The following DNAH17 variants were observed in gnomAD, a reference collection of about 807,000 sequenced individuals.
The protein encoded by DNAH17 is axonemal beta dynein heavy chain 17.
A neutral mutation model predicts 485.6 loss-of-function variants in DNAH17; 376 were observed. The ratio of observed to expected loss-of-function variants is 0.77; its 90% confidence interval spans 0.71 to 0.84. The LOEUF is 0.84. DNAH17 is among the 40% of genes least tolerant of loss of function. The probability of loss-of-function intolerance (pLI) is 0.00; values close to 1 mark genes in which losing one functional copy is unlikely to be tolerated. For missense variants in DNAH17, 6,370 were observed against 5,839.3 expected (o/e 1.09, Z -2.96); for synonymous variants, 3,031 against 2,405.9 (o/e 1.26, Z -7.60).
At chr17:78,557,663 A>AAAAAAAAAAAAAAAAAAAAAAAAT (rs2092056227) in intron 14 of DNAH17, among the ~76,000 whole-genome samples, 1 of 145,814 alleles carries the variant, frequency 6.9e-6, no homozygotes. Flanking sequence ...AAAAAAAAAA[A>AAAAAAAAAAAAAAAAAAAAAAAAT]GTAACGTAAG....
rs2087701153 is a variant in DNAH17 at position 78,454,480 on chromosome 17, C to T, written c.10396G>A (p.Gly3466Arg). 2 of 1,612,254 alleles carry T rather than the reference C, an allele frequency of 1.2e-6. No individual in the cohort carries two copies. Among genetic ancestry groups the T allele is most frequent in the African/African-American group, 2.7e-5 (2 of 74,944 alleles). Residue 3466 changes from glycine (G) to arginine (R), a missense_variant, in exon 64 of 81, where the codon GGA becomes AGA. Gly to Arg is a moderately radical substitution (Grantham distance 125). Transcript: ENST00000389840. ...TGCGCCCGCACACACCTCTTCTGTC[C>T]CAGGCGGATGGCTTTCAGTTCACTC... ...YRSELKAIRL[G>R]QKSYLDVIEQ...
chr17:78,427,218 G>T, intron 77 of DNAH17, 110 bp from the exon 78 acceptor site: 1 of 1,142,792 alleles, frequency 8.8e-7, no homozygotes, highest in Non-Finnish European at 1.3e-6. Context: ...CTGGAGAGGA[G>T]GGAAGAGGCA....
intron 25 of DNAH17, 125 bp from the exon 26 acceptor site, chr17:78,515,147 A>G: frequency 9.1e-7 from 1 of 1,096,098 alleles, no homozygotes; most frequent in Non-Finnish European, 1.3e-6. Context: ...TAGAACTAAT[A>G]CCCGAGATCA....
In DNAH17 at chr17:78,560,848, G is replaced by A. The variant is rs535149595; in HGVS notation, c.1923C>T (p.Tyr641=). The change falls in exon 13 of 81, where the codon TAC becomes TAT. Residue 641 remains tyrosine (Y), a synonymous_variant. Transcript: ENST00000389840. ...GGTCCACGCCCGCCACCCACTGCTG[G>A]TAGATCTTCTCGCGGTGGCACCTCA... ...ELLRCHREKI[Y]QQWVAGVDQD... 2 of 1,551,846 alleles carry A rather than the reference G, an allele frequency of 1.3e-6. No individual in the cohort carries two copies. The highest frequency in any genetic ancestry group is 2.4e-5 in the South Asian group (2 of 84,074).
Position 78,433,939 on chromosome 17 carries a change from A to G in DNAH17, c.12225+90T>C, listed in dbSNP as rs1345792927. Reference sequence around the variant, plus strand: ...AGGGAGGGAAGGAAGGAGGGAGGGAAGGAGGGAGGGAAGGAGGGAGGGAAG... The same window carrying G: ...AGGGAGGGAAGGAAGGAGGGAGGGAGGGAGGGAGGGAAGGAGGGAGGGAAG... On this transcript the variant is annotated intron_variant, in intron 75 of 80. Transcript: ENST00000389840. The G allele has an allele frequency of 1.4e-5, 13 of 913,814 alleles. No individual in the cohort carries two copies. The South Asian group carries it at 1.7e-4, about 12-fold the overall frequency. 56.6% of individuals were successfully genotyped at this position (913,814 alleles called of 1,614,324 possible).
At chr17:78,511,648 C>A (rs2090638937) in intron 26 of DNAH17, among the ~76,000 whole-genome samples, 2 of 152,220 alleles carry the variant, frequency 1.3e-5, no homozygotes, top group African/African-American at 4.8e-5. Flanking sequence ...GTCTAATATT[C>A]TTTTTGGTGT....
intron 37 of DNAH17, 70 bp from the exon 38 acceptor site, chr17:78,496,102 CAT>C (rs2090061191): frequency 1.3e-6 from 2 of 1,513,772 alleles, no homozygotes; most frequent in African/African-American, 1.4e-5. Flanking sequence ...GAGGCCTTCA[CAT>C]ATGTTAAAGC....
chr17:78,490,701 G>A lies in DNAH17; in HGVS notation c.6816C>T (p.Asn2272=). 6.2e-7 allele frequency: 1 copy of A among 1,606,656 alleles called. No individual in the cohort carries two copies. The highest frequency in any genetic ancestry group is 8.5e-7 in the Non-Finnish European group (1 of 1,176,080). Residue 2272 remains asparagine (N), a splice_region_variant and synonymous_variant, in exon 44 of 81, where the codon AAC becomes AAT. Transcript: ENST00000389840. ...AGGAAAGCCAAAGCCCCACTCACGGGTTCCATCCCAGGTCGGCTGGGTTGA... is the reference window on the plus strand; with the variant it reads ...AGGAAAGCCAAAGCCCCACTCACGGATTCCATCCCAGGTCGGCTGGGTTGA... ...LYINPADLGW[N]PVVSSWIERR...
rs576477347 is a variant in DNAH17, at chr17:78,560,697, C to A, written c.2031+43G>T. The A allele has an allele frequency of 1.1e-5, 16 of 1,505,298 alleles. No homozygotes were observed. In the African/African-American group the frequency reaches 2.2e-4, roughly 21 times the overall value. 93.2% of individuals were successfully genotyped at this position (1,505,298 alleles called of 1,614,324 possible). On this transcript the variant is annotated intron_variant, in intron 13 of 80. Transcript: ENST00000389840. ...GGAACCTTGGCAGGCCCTCCCCCCG[C>A]TCCCAAGGAGCCTTTGACGCGGTCC...
At chr17:78,530,129 G>A (rs185152338) in intron 21 of DNAH17, among the ~76,000 whole-genome samples, 6 of 152,342 alleles carry the variant, frequency 3.9e-5, no homozygotes, top group South Asian at 4.1e-4. Flanking sequence ...GCAGGTGCTC[G>A]GTACACCGGG....
At chr17:78,496,132 C>G in intron 37 of DNAH17, 100 bp from the exon 38 acceptor site, 2 of 1,340,734 alleles carry the variant, frequency 1.5e-6, no homozygotes, top group Non-Finnish European at 2.0e-6. Context: ...TGCGAATTTG[C>G]GCCTGCAAAT....
In DNAH17 at chr17:78,484,910, G is replaced by A. The variant is rs373479658; in HGVS notation, c.7607C>T (p.Ala2536Val). Reference protein sequence around the residue: ...MPEVDKYGTVAPHTLIRQHMD... With the variant: ...MPEVDKYGTVVPHTLIRQHMD... ...GTGCTGCCGGATGAGGGTGTGCGGG[G>A]CCACCGTCCCATACTTGTCCACCTC... Residue 2536 changes from alanine to valine, a missense_variant, in exon 48 of 81, where the codon GCC (alanine) becomes GTC (valine). Ala to Val is a moderately conservative substitution (Grantham distance 64). Transcript: ENST00000389840. The A allele has an allele frequency of 6.3e-6, 10 of 1,594,368 alleles. No individual in the cohort carries two copies. The highest frequency in any genetic ancestry group is 1.3e-5 in the African/African-American group (1 of 74,494).
intron 17 of DNAH17, among the ~76,000 whole-genome samples, chr17:78,541,334 G>A (rs1185889637): frequency 2.2e-5 from 3 of 139,124 alleles, no homozygotes; most frequent in Non-Finnish European, 4.6e-5. Flanking sequence ...TGGGTAGGGT[G>A]GGTGGATGAG....
chr17:78,486,588 A>T, intron 44 of DNAH17, 82 bp from the exon 45 acceptor site: 2 of 1,462,478 alleles, frequency 1.4e-6, no homozygotes, highest in Non-Finnish European at 1.8e-6. Flanking sequence ...GCCCCTCCCT[A>T]CCTCCACCCA....
At chr17:78,513,743 A>G (rs190829910) in intron 26 of DNAH17, among the ~76,000 whole-genome samples, 10 of 152,168 alleles carry the variant, frequency 6.6e-5, no homozygotes, top group Admixed American at 3.3e-4. Context: ...GCTTTCCTCT[A>G]TTTAATCTGT....
chr17:78,442,707 T>C (rs2087121034), intron 71 of DNAH17, among the ~76,000 whole-genome samples: 1 of 152,222 alleles, frequency 6.6e-6, no homozygotes, highest in South Asian at 2.1e-4. Context: ...GGTGACAGCT[T>C]TCAGCAGACC....
chr17:78,528,083 A>C lies in DNAH17; in HGVS notation c.3508-1087T>G, dbSNP rs570822097. Among the ~76,000 whole-genome samples, 460 of 152,068 alleles carry C rather than the reference A, an allele frequency of 3.0e-3. 2 individuals carry two copies. Among genetic ancestry groups the C allele is most frequent in the African/African-American group, 0.01 (435 of 41,456 alleles). On this transcript the variant is annotated intron_variant, in intron 22 of 80. Transcript: ENST00000389840. ...CATGAGCCACCACACCGGGCCATAA[A>C]ATATTTTAAAGAAAAAAAAAATCCC...
chr17:78,434,096 G>A lies in DNAH17; in HGVS notation c.12158C>T (p.Pro4053Leu). 5.6e-6 allele frequency: 9 copies of A among 1,613,646 alleles called. No homozygotes were observed. Among genetic ancestry groups the A allele is most frequent in the Non-Finnish European group, 6.8e-6 (8 of 1,179,824 alleles). Residue 4053 changes from proline to leucine, a missense_variant, in exon 75 of 81, where the codon CCC becomes CTC. Coordinates refer to ENST00000389840, the MANE Select transcript of DNAH17 (RefSeq NM_173628.4). ...FGAQGWNRSY[P>L]FNNGDLTISI... The stretch of plus-strand genomic sequence containing the variant: ...GATGGTGAGGTCCCCGTTGTTGAAG[G>A]GGTACGACCGGTTCCAGCCCTGGGC...
At chr17:78,501,631 G>A in intron 34 of DNAH17, 111 bp downstream of exon 34, 2 of 1,448,414 alleles carry the variant, frequency 1.4e-6, no homozygotes, top group Non-Finnish European at 1.9e-6. Context: ...CAGCAACAGA[G>A]TCAGTGCCCC....
Sources: gnomAD v4.1 joint callset for allele counts (sites outside exome capture counted in the v4.1 genomes callset) on GRCh38, gnomAD v4.1.1 for gene constraint, MANE v1.5 for transcripts, NCBI Gene and HGNC (gene_info 2026-07-23, HGNC 2026-07-21) for gene names.